SHANK2: variants seen among roughly 807,000 people sequenced by gnomAD.
The protein encoded by SHANK2 is SH3 and multiple ankyrin repeat domains 2, also known as SH3 and multiple ankyrin repeat domains protein 2.
SHANK2 carries 43 observed loss-of-function variants against 133.7 expected under a neutral mutation model. The ratio of observed to expected loss-of-function variants is 0.32; its 90% CI spans 0.25 to 0.41. The LOEUF is 0.41. SHANK2 is among the 10% of genes least tolerant of loss of function. The pLI, the probability that SHANK2 is intolerant of heterozygous loss-of-function variation, is 1.00. For missense variants in SHANK2, 1,994 were observed against 2,235.8 expected (o/e 0.89, Z 2.18); for synonymous variants, 1,017 against 952.8 (o/e 1.07, Z -1.24).
At chr11:71,167,384 C>G (rs1953176263) in intron 2 of SHANK2, among the ~76,000 whole-genome samples, 1 of 151,624 alleles carries the variant, frequency 6.6e-6, no homozygotes, top group African/African-American at 2.4e-5. Context: ...CCCCTCACCT[C>G]CCGGACAGGG....
At chr11:71,087,276 G>C (rs1454840936) in intron 8 of SHANK2, among the ~76,000 whole-genome samples, 1 of 152,160 alleles carries the variant, frequency 6.6e-6, no homozygotes, top group Non-Finnish European at 1.5e-5. Context: ...CCATCCCAGG[G>C]CCAGCTGGAG....
At position 70,500,638 on chromosome 11, in the gene SHANK2, C is replaced by T. The variant is rs373615883; in HGVS notation, c.2288-48G>A. On this transcript the variant is annotated intron_variant, in intron 20 of 25. Coordinates refer to ENST00000601538, the MANE Select transcript of SHANK2 (RefSeq NM_012309.5). This position sits in a 1 kb window ranked among gnomAD's most constrained non-coding sequence, Gnocchi z 4.5. ...CCATGAGCCACCAGGATGCAGCGCC[C>T]GCCCGCAGCCTACACTCGGGCCTTG... 994 of 1,583,398 alleles carry T rather than the reference C, an allele frequency of 6.3e-4. 6 individuals carry two copies. Among genetic ancestry groups the T allele is most frequent in the South Asian group, 6.1e-3 (528 of 86,542 alleles).
rs2059640169 is a variant in SHANK2 at position 70,542,867 on chromosome 11, GA to G, written c.2062-39937del. ...TCCCCACTGCCATGAAGAGAGGCAG[GA>G]AATGTTCCCAGGGGATTTCTCTAGT... On this transcript the variant is annotated intron_variant, in intron 17 of 25. Transcript: ENST00000601538. 3.3e-5 allele frequency among the ~76,000 whole-genome samples: 5 copies of G among 152,322 alleles called. No individual in the cohort carries two copies. In the South Asian group the frequency reaches 1.0e-3, roughly 32 times the overall value.
intron 25 of SHANK2, among the ~76,000 whole-genome samples, chr11:70,481,168 T>C (rs965799008): frequency 6.6e-6 from 1 of 152,366 alleles, no homozygotes; most frequent in Admixed American, 6.5e-5. Flanking sequence ...CAGGGTGTTT[T>C]CAGATCACCC....
chr11:70,916,071 C>T (rs1468797116), intron 10 of SHANK2, among the ~76,000 whole-genome samples: 3 of 152,174 alleles, frequency 2.0e-5, no homozygotes, highest in Admixed American at 6.5e-5. Context: ...TACATATTTT[C>T]TGCAGAAAAG....
chr11:71,127,930 C>T (rs532209212), intron 3 of SHANK2, among the ~76,000 whole-genome samples: 7 of 152,332 alleles, frequency 4.6e-5, no homozygotes, highest in South Asian at 2.1e-4. Context: ...TACAACCCCG[C>T]GCCCCAGCCT....
At chr11:71,148,126 C>G (rs1376246649) in intron 2 of SHANK2, among the ~76,000 whole-genome samples, 1 of 151,502 alleles carries the variant, frequency 6.6e-6, no homozygotes, top group South Asian at 2.1e-4. Flanking sequence ...CTCTTGTCGC[C>G]CAGGCTGGAG....
chr11:71,242,302 A>T (rs782474103), intron 1 of SHANK2, among the ~76,000 whole-genome samples: 6 of 152,210 alleles, frequency 3.9e-5, no homozygotes, highest in Non-Finnish European at 7.3e-5. Flanking sequence ...CTACAGATAC[A>T]TGGTGACGAT....
chr11:71,208,951 C>T (rs1954189167), intron 2 of SHANK2, among the ~76,000 whole-genome samples: 1 of 152,168 alleles, frequency 6.6e-6, no homozygotes, highest in Admixed American at 6.5e-5. Context: ...TTACATGTCT[C>T]CAGGAAAAGG....
At chr11:71,193,740 C>T (rs1953841213) in intron 2 of SHANK2, among the ~76,000 whole-genome samples, 1 of 152,186 alleles carries the variant, frequency 6.6e-6, no homozygotes, top group Non-Finnish European at 1.5e-5. Flanking sequence ...TGTCCCACGC[C>T]CCCGGAGGCC....
Position 70,504,668 on chromosome 11 carries a change from A to G in SHANK2, c.2062-1737T>C, listed in dbSNP as rs566973494. Among the ~76,000 whole-genome samples the G allele has an allele frequency of 1.4e-3, 209 of 152,290 alleles. 1 individual carries two copies. Among genetic ancestry groups the G allele is most frequent in the African/African-American group, 4.9e-3 (204 of 41,564 alleles). ...GGCCTTGGGAGAGAGGCCCACCTAC[A>G]GCGGCAGCGGTCTTTGCAAGGTGAC... On this transcript the variant is annotated intron_variant, in intron 17 of 25. Transcript: ENST00000601538.
intron 17 of SHANK2, among the ~76,000 whole-genome samples, chr11:70,613,257 A>G (rs886310888): frequency 4.0e-5 from 6 of 151,524 alleles, no homozygotes; most frequent in South Asian, 2.1e-4. Flanking sequence ...AGGCTGGAGT[A>G]CAGTGGTGCG....
At chr11:70,550,854 G>A (rs1476699043) in intron 17 of SHANK2, among the ~76,000 whole-genome samples, 9 of 152,302 alleles carry the variant, frequency 5.9e-5, no homozygotes, top group African/African-American at 2.2e-4. Flanking sequence ...CCAGCCTCAG[G>A]GCCTCCATGG....
intron 14 of SHANK2, among the ~76,000 whole-genome samples, chr11:70,721,498 G>A (rs1476427373): frequency 6.6e-6 from 1 of 152,168 alleles, no homozygotes; most frequent in Non-Finnish European, 1.5e-5. Flanking sequence ...TTGGAGGTGT[G>A]TACACCCCAC....
chr11:70,512,272 A>C (rs995430764), intron 17 of SHANK2, among the ~76,000 whole-genome samples: 1 of 152,210 alleles, frequency 6.6e-6, no homozygotes, highest in Non-Finnish European at 1.5e-5. Flanking sequence ...GATACTGCCA[A>C]ATGTCCTATG....
intron 2 of SHANK2, among the ~76,000 whole-genome samples, chr11:71,152,904 G>T (rs191411713): frequency 6.6e-6 from 1 of 152,128 alleles, no homozygotes; most frequent in Non-Finnish European, 1.5e-5. Flanking sequence ...ATTAACTCCC[G>T]GGGAGAGCCA....
At chr11:71,196,298 T>C (rs1953900051) in intron 2 of SHANK2, among the ~76,000 whole-genome samples, 2 of 152,140 alleles carry the variant, frequency 1.3e-5, no homozygotes, top group South Asian at 4.1e-4. Flanking sequence ...TTTTTTTCTT[T>C]TTCCCGAGAC....
intron 10 of SHANK2, among the ~76,000 whole-genome samples, chr11:70,917,401 G>A (rs868965820): frequency 5.3e-5 from 8 of 152,334 alleles, no homozygotes; most frequent in Middle Eastern, 3.4e-3. Flanking sequence ...CTTTTACACC[G>A]TTGGTGGGAG....
intron 14 of SHANK2, among the ~76,000 whole-genome samples, chr11:70,781,817 G>A (rs1292167568): frequency 5.8e-5 from 8 of 136,934 alleles, no homozygotes; most frequent in African/African-American, 2.2e-4. Context: ...GCACACGTAT[G>A]TTTATTGTGG....
Sources: allele counts gnomAD v4.1 joint callset (sites outside exome capture counted in the v4.1 genomes callset), GRCh38; gene constraint gnomAD v4.1.1; non-coding constraint Gnocchi (gnomAD v3.1); transcripts MANE v1.5; gene names NCBI Gene and HGNC (gene_info 2026-07-23, HGNC 2026-07-21).